Variants in BLTP1 observed in about 807,000 individuals in gnomAD.
The protein encoded by BLTP1 is bridge-like lipid transfer protein family member 1.
the BLTP1 span, chr4:122,214,456 A>G: frequency 7.3e-6 from 7 of 958,352 alleles, no homozygotes; most frequent in Non-Finnish European, 8.7e-6. Flanking sequence ...CTTACATGCC[A>G]TCTATTATAA....
At chr4:122,249,037 A>G in the BLTP1 span, 6 of 967,646 alleles carry the variant, frequency 6.2e-6, no homozygotes, top group African/African-American at 3.5e-5. Context: ...GACAAGGTCT[A>G]TGATGAATTG....
chr4:122,334,632 C>T, the BLTP1 span: 23 of 1,310,526 alleles, frequency 1.8e-5, no homozygotes, highest in Non-Finnish European at 2.2e-5. Context: ...TTCCAATGCA[C>T]ATGTTTAAGA....
At chr4:122,358,214 T>C in the BLTP1 span, among the ~76,000 whole-genome samples, 1 of 152,352 alleles carries the variant, frequency 6.6e-6, no homozygotes, top group African/African-American at 2.4e-5. Context: ...AGTTCAGAAT[T>C]ATTTTCTAGT....
chr4:122,208,421 G>C, the BLTP1 span: 7 of 984,916 alleles, frequency 7.1e-6, no homozygotes, highest in Non-Finnish European at 8.4e-6. Context: ...GTCCTATTAG[G>C]AAAAAAGTAA....
the BLTP1 span, among the ~76,000 whole-genome samples, chr4:122,321,384 A>T: frequency 6.6e-6 from 1 of 152,132 alleles, no homozygotes; most frequent in Admixed American, 6.6e-5. Flanking sequence ...ATATTTAAGC[A>T]TATATAAGCA....
the BLTP1 span, chr4:122,209,001 A>G: frequency 3.1e-6 from 2 of 650,994 alleles, no homozygotes. Context: ...AAAAAAAAAA[A>G]AAAGATAAAT....
At chr4:122,359,163 A>T in the BLTP1 span, 1 of 191,732 alleles carries the variant, frequency 5.2e-6, no homozygotes, top group Non-Finnish European at 9.6e-6. Flanking sequence ...GGTGCAGCAC[A>T]CCAGCATGGC....
chr4:122,253,180 A>G, the BLTP1 span, among the ~76,000 whole-genome samples: 3 of 151,632 alleles, frequency 2.0e-5, no homozygotes, highest in Admixed American at 6.6e-5. Context: ...CTTCCCAAGA[A>G]GGATGGGTAC....
the BLTP1 span, chr4:122,190,630 T>A: frequency 2.4e-6 from 1 of 412,920 alleles, no homozygotes; most frequent in Non-Finnish European, 3.3e-6. Context: ...TAGATAAACC[T>A]CAAAAATTGA....
the BLTP1 span, among the ~76,000 whole-genome samples, chr4:122,329,542 C>T: frequency 2.1e-5 from 3 of 145,614 alleles, no homozygotes; most frequent in African/African-American, 2.5e-5. Flanking sequence ...AAATTCTTCC[C>T]TTTTTTTTTT....
chr4:122,219,150 A>C, the BLTP1 span: 28 of 984,770 alleles, frequency 2.8e-5, no homozygotes, highest in Non-Finnish European at 3.4e-5. Context: ...TTGCTACTGA[A>C]TATTTGCCAA....
chr4:122,257,251 A>T, the BLTP1 span: 1 of 1,612,930 alleles, frequency 6.2e-7, no homozygotes, highest in Non-Finnish European at 8.5e-7. Context: ...GATTATTGTT[A>T]CAGAGCGATG....
chr4:122,359,098 G>A, the BLTP1 span, among the ~76,000 whole-genome samples: 1 of 151,272 alleles, frequency 6.6e-6, no homozygotes, highest in East Asian at 1.9e-4. Context: ...ACAAAAAAGG[G>A]AGCGGGGAGG....
chr4:122,254,442 G>T, the BLTP1 span: 1 of 1,280,604 alleles, frequency 7.8e-7, no homozygotes, highest in Non-Finnish European at 1.1e-6. Context: ...TACTTTTCTG[G>T]TATATATAGT....
At chr4:122,200,966 C>T in the BLTP1 span, 70 of 1,594,022 alleles carry the variant, frequency 4.4e-5, 1 homozygote, top group South Asian at 7.8e-4. Flanking sequence ...CACAGTGTCA[C>T]ATTTTAAGCC....
At chr4:122,192,487 G>A in the BLTP1 span, 1 of 754,666 alleles carries the variant, frequency 1.3e-6, no homozygotes. Context: ...TATTATGGCA[G>A]AGGAAGATAT....
chr4:122,308,231 G>C, the BLTP1 span: 1 of 1,502,134 alleles, frequency 6.7e-7, no homozygotes. Flanking sequence ...TAAGTATTTA[G>C]AATATAACAG....
chr4:122,269,041 T>C, the BLTP1 span: 2 of 840,066 alleles, frequency 2.4e-6, no homozygotes, highest in African/African-American at 1.8e-5. Flanking sequence ...TTTTAAAATA[T>C]TGGAACCATC....
At chr4:122,362,664 T>C in the BLTP1 span, 1 of 162,320 alleles carries the variant, frequency 6.2e-6, no homozygotes, top group East Asian at 1.8e-4. Context: ...TATAAATACC[T>C]GTTTGTATAT....
Sources: gnomAD v4.1 joint callset for allele counts (sites outside exome capture counted in the v4.1 genomes callset) on GRCh38, gnomAD v4.1.1 for gene constraint, MANE v1.5 for transcripts, NCBI Gene and HGNC (gene_info 2026-07-23, HGNC 2026-07-21) for gene names.